Variants in ADARB1 observed in about 807,000 individuals in gnomAD.
The protein encoded by ADARB1 is double-stranded RNA-specific editase 1.
Under a neutral mutation model 52.4 loss-of-function variants are expected in ADARB1, and 10 were observed. The observed-to-expected ratio is 0.19, with a 90% confidence interval of 0.12 to 0.32. ADARB1 has a LOEUF of 0.32. Among genes scored for constraint, ADARB1 ranks in the 10% least tolerant of loss-of-function variants. ADARB1 has a pLI of 1.00. For synonymous variants in ADARB1, 349 were observed against 371.1 expected (o/e 0.94, Z 0.68); for missense variants, 643 against 922.3 (o/e 0.70, Z 3.92).
intron 1 of ADARB1, among the ~76,000 whole-genome samples, chr21:45,079,151 C>T (rs568858255): frequency 1.3e-5 from 2 of 152,268 alleles, no homozygotes; most frequent in South Asian, 4.1e-4. Context: ...CAGATTCAGC[C>T]TACTGAATTT....
intron 2 of ADARB1, among the ~76,000 whole-genome samples, chr21:45,139,770 C>T (rs1403564112): frequency 1.3e-5 from 2 of 152,162 alleles, no homozygotes; most frequent in Non-Finnish European, 2.9e-5. Context: ...CTTATTCATT[C>T]TGTTTCTTGG....
intron 2 of ADARB1, among the ~76,000 whole-genome samples, chr21:45,129,237 AAAG>A (rs771446830): frequency 2.0e-4 from 30 of 152,296 alleles, no homozygotes; most frequent in African/African-American, 2.2e-4. Context: ...TCAAAAAAAA[AAAG>A]AAGAACATTT....
Position 45,172,135 on chromosome 21 carries a change from C to T in ADARB1, c.28+451C>T, listed in dbSNP as rs537185300. Among the ~76,000 whole-genome samples the T allele has an allele frequency of 2.7e-4, 41 of 152,286 alleles. No individual in the cohort carries two copies. The highest frequency in any genetic ancestry group is 5.9e-4 in the Non-Finnish European group (40 of 68,032). ...GCATTTTGAAGGAAGGGGATTCACA[C>T]GTGTCTGTTGATCTAAAGTTCGCAA... On this transcript the variant is annotated intron_variant, in intron 3 of 10. Transcript: ENST00000348831. This position sits in a 1 kb window ranked among gnomAD's most constrained non-coding sequence, Gnocchi z 4.4.
intron 1 of ADARB1, among the ~76,000 whole-genome samples, chr21:45,079,935 G>A (rs558331841): frequency 4.6e-5 from 7 of 152,268 alleles, no homozygotes; most frequent in African/African-American, 1.4e-4. Context: ...TTTGGCAAGC[G>A]GTCCACATTG....
Position 45,172,807 on chromosome 21 carries a change from A to G in ADARB1, c.28+1123A>G, listed in dbSNP as rs1363962031. ...ACCTCACTTCCGCTGTTGTGTGCGC[A>G]GCCCGTGCCTGCCTGCTGGTGATTG... On this transcript the variant is annotated intron_variant, in intron 3 of 10. Coordinates refer to ENST00000348831, the MANE Select transcript of ADARB1 (RefSeq NM_001112.4). The surrounding 1 kb of genome is among the most constrained non-coding windows in gnomAD (Gnocchi z 4.4). Among the ~76,000 whole-genome samples the G allele has an allele frequency of 2.0e-5, 3 of 152,214 alleles. No individual in the cohort carries two copies.
chr21:45,202,159 C>T (rs1486636189), intron 8 of ADARB1, among the ~76,000 whole-genome samples: 1 of 152,100 alleles, frequency 6.6e-6, no homozygotes, highest in South Asian at 2.1e-4. Flanking sequence ...GGGCAGGCAC[C>T]GGGTTCCCCT....
intron 9 of ADARB1, among the ~76,000 whole-genome samples, chr21:45,210,883 T>C (rs2092755313): frequency 6.6e-6 from 1 of 152,232 alleles, no homozygotes; most frequent in African/African-American, 2.4e-5. Context: ...GCTGCTCCCC[T>C]TCATCTACAT....
intron 8 of ADARB1, among the ~76,000 whole-genome samples, chr21:45,198,742 C>T (rs1011319404): frequency 9.2e-5 from 14 of 152,146 alleles, no homozygotes; most frequent in African/African-American, 3.4e-4. Context: ...ACCTTTATCT[C>T]CACACCAGAC....
At chr21:45,213,694 G>T (rs7283317) in intron 9 of ADARB1, among the ~76,000 whole-genome samples, 18,712 of 152,164 alleles carry the variant, frequency 0.12, 1,435 homozygotes, top group African/African-American at 0.21. Flanking sequence ...TTAATCACTT[G>T]GAGATTGATC....
At chr21:45,196,274 A>G (rs2092423247) in intron 8 of ADARB1, among the ~76,000 whole-genome samples, 1 of 152,132 alleles carries the variant, frequency 6.6e-6, no homozygotes, top group African/African-American at 2.4e-5. Flanking sequence ...GTGATGCTGA[A>G]ATAAGTGGAT....
intron 2 of ADARB1, among the ~76,000 whole-genome samples, chr21:45,152,032 G>A (rs563698684): frequency 2.4e-4 from 37 of 152,290 alleles, no homozygotes; most frequent in Admixed American, 1.8e-3. Context: ...CTCTGGGGGC[G>A]GGGGGATCCA....
chr21:45,083,242 T>C (rs776036754), intron 1 of ADARB1, among the ~76,000 whole-genome samples: 1 of 152,324 alleles, frequency 6.6e-6, no homozygotes, highest in South Asian at 2.1e-4. Flanking sequence ...TGGTAGTAAG[T>C]AGTAGAACCT....
chr21:45,099,286 C>T (rs2086897307), intron 1 of ADARB1, among the ~76,000 whole-genome samples: 1 of 152,146 alleles, frequency 6.6e-6, no homozygotes, highest in African/African-American at 2.4e-5. Flanking sequence ...TTTAATGAAG[C>T]TATAGTTGAT....
chr21:45,133,797 G>A, intron 2 of ADARB1: 1 of 228,580 alleles, frequency 4.4e-6, no homozygotes, highest in South Asian at 4.0e-5. Flanking sequence ...GCCCGACAGT[G>A]GTGTGTGCGC....
intron 1 of ADARB1, among the ~76,000 whole-genome samples, chr21:45,090,518 C>T (rs1432310462): frequency 6.6e-6 from 1 of 152,146 alleles, no homozygotes; most frequent in Non-Finnish European, 1.5e-5. Context: ...TGCCCTATTT[C>T]AAGCTACCGA....
intron 1 of ADARB1, among the ~76,000 whole-genome samples, chr21:45,106,531 G>T (rs2087266004): frequency 6.6e-6 from 1 of 152,126 alleles, no homozygotes; most frequent in South Asian, 2.1e-4. Context: ...CAGGCCTTGG[G>T]GCTTTTAGCT....
At chr21:45,129,279 CAT>C (rs1425083149) in intron 2 of ADARB1, among the ~76,000 whole-genome samples, 2 of 152,134 alleles carry the variant, frequency 1.3e-5, no homozygotes, top group Admixed American at 1.3e-4. Flanking sequence ...GCGACTATCT[CAT>C]GATTCAGCGT....
intron 1 of ADARB1, among the ~76,000 whole-genome samples, chr21:45,111,565 G>C (rs1166965951): frequency 6.6e-6 from 1 of 152,202 alleles, no homozygotes; most frequent in Non-Finnish European, 1.5e-5. Context: ...CATCCTTACA[G>C]TATGCAGAAT....
In ADARB1 at chr21:45,182,581, TCA is replaced by T; in HGVS notation, c.1079-3_1079-2del. 1.3e-6 allele frequency: 2 copies of T among 1,579,774 alleles called. No homozygotes were observed. Among genetic ancestry groups the T allele is most frequent in the Admixed American group, 4.1e-5 (2 of 48,530 alleles). ...AAAATAGTGTCTCTTTTTTTTTTTTTCAGGCACAGATGTTAAAGATGCCAAGG... is the reference window on the plus strand; with the variant it reads ...AAAATAGTGTCTCTTTTTTTTTTTTTGGCACAGATGTTAAAGATGCCAAGG... On this transcript the variant is annotated splice_acceptor_variant and splice_polypyrimidine_tract_variant and intron_variant, in intron 5 of 10. Coordinates refer to ENST00000348831, the MANE Select transcript of ADARB1 (RefSeq NM_001112.4). LOFTEE classifies it high-confidence loss of function.
Sources: allele counts gnomAD v4.1 joint callset (sites outside exome capture counted in the v4.1 genomes callset), GRCh38; gene constraint gnomAD v4.1.1; non-coding constraint Gnocchi (gnomAD v3.1); transcripts MANE v1.5; gene names NCBI Gene and HGNC (gene_info 2026-07-23, HGNC 2026-07-21).